The following FAM181A variants were observed in gnomAD, a reference collection of about 807,000 sequenced individuals.
FAM181A encodes the protein family with sequence similarity 181 member A, also known as protein FAM181A.
FAM181A carries 7 observed loss-of-function variants against 16.3 expected under a neutral mutation model. The observed-to-expected ratio is 0.43, with a 90% CI of 0.24 to 0.81. The LOEUF is 0.81. Ranked by LOEUF, FAM181A falls within the 30% of genes least tolerant of loss-of-function variation. The probability of loss-of-function intolerance (pLI) is 0.24; values close to 1 mark genes in which losing one functional copy is unlikely to be tolerated. For synonymous variants in FAM181A, 183 were observed against 164.9 expected, an observed-to-expected ratio of 1.11 and a Z score of -0.84; for missense variants, 349 against 377.5, an observed-to-expected ratio of 0.92 and a Z score of 0.63.
At chr14:93,921,205 G>A (rs983030307) in intron 1 of FAM181A, among the ~76,000 whole-genome samples, 2 of 152,168 alleles carry the variant, frequency 1.3e-5, no homozygotes, top group Admixed American at 1.3e-4. Flanking sequence ...AGCCAGGTAG[G>A]GGCAGAGTTC....
chr14:93,928,789 G>C lies in FAM181A; in HGVS notation c.504G>C (p.Lys168Asn). The change falls in exon 2 of 2, where the codon AAG (lysine) becomes AAC (asparagine). Residue 168 changes from lysine (K) to asparagine (N), a missense_variant. Lys to Asn is a moderately conservative substitution (Grantham distance 94). Coordinates refer to ENST00000556222, the MANE Select transcript of FAM181A (RefSeq NM_001207073.2). Reference sequence around the variant, plus strand: ...GGGAGGGACCTCCCTATGAGGGTAAGAAAAATTGCAAGGGCTTGGAGCCCC... The same window carrying C: ...GGGAGGGACCTCCCTATGAGGGTAACAAAAATTGCAAGGGCTTGGAGCCCC... ...GPREGPPYEGKKNCKGLEPLG... is the reference protein window; with the variant it reads ...GPREGPPYEGNKNCKGLEPLG... 1.2e-6 allele frequency: 2 copies of C among 1,613,986 alleles called. No homozygotes were observed. The highest frequency in any genetic ancestry group is 1.7e-6 in the Non-Finnish European group (2 of 1,179,928).
intron 1 of FAM181A, 171 bp downstream of exon 1, chr14:93,927,625 A>G (rs1567012381): frequency 7.8e-7 from 1 of 1,285,770 alleles, no homozygotes; most frequent in East Asian, 5.6e-5. Context: ...TCAGCCCGCA[A>G]GGCAGGTCTC....
chr14:93,922,112 C>G (rs543826934), intron 1 of FAM181A: 8 of 152,196 alleles, frequency 5.3e-5, no homozygotes, highest in Non-Finnish European at 1.2e-4. Context: ...CTCTGGGCCT[C>G]TCTGTCTTCA....
intron 1 of FAM181A, among the ~76,000 whole-genome samples, chr14:93,920,404 C>T (rs61279720): frequency 0.021 from 3,155 of 149,270 alleles, 116 homozygotes; most frequent in African/African-American, 0.073. Flanking sequence ...AGAGCAAGAC[C>T]TTGTCTCAAA....
upstream of FAM181A, among the ~76,000 whole-genome samples, chr14:93,924,592 C>T (rs4905117): frequency 0.49 from 74,232 of 152,138 alleles, 18,659 homozygotes; most frequent in East Asian, 0.62. Flanking sequence ...TCTCCCTGCT[C>T]CTGACTTCCC....
rs536651989 is a variant in FAM181A at position 93,927,978 on chromosome 14, C to T, written c.-87-221C>T. 3.3e-5 allele frequency among the ~76,000 whole-genome samples: 5 copies of T among 152,134 alleles called. No homozygotes were observed. The East Asian group carries it at 5.8e-4, about 18-fold the overall frequency. On this transcript the variant is annotated intron_variant, in intron 1 of 1. Transcript: ENST00000556222. ...TGAGCCTTGGCTGCAAGAAGGGGCA[C>T]CAGACCCAAGCAGGCTGGGCGAGGC...
At chr14:93,925,063 C>A, upstream of FAM181A, 1 of 533,516 alleles carries the variant, frequency 1.9e-6, no homozygotes, top group South Asian at 2.7e-5. Flanking sequence ...GGTGGAAGAA[C>A]AGCCCACATT....
intron 1 of FAM181A, among the ~76,000 whole-genome samples, chr14:93,920,602 A>G (rs1469683039): frequency 6.6e-6 from 1 of 152,258 alleles, no homozygotes; most frequent in Non-Finnish European, 1.5e-5. Context: ...ATATAAATTG[A>G]TGCAAAAAAT....
upstream of FAM181A, chr14:93,926,239 G>A (rs1215592941): frequency 2.0e-5 from 3 of 152,304 alleles, no homozygotes; most frequent in African/African-American, 7.2e-5. The surrounding 1 kb of genome is among the most constrained non-coding windows in gnomAD (Gnocchi z 5.2). Context: ...ACGACCATTA[G>A]CATTTCCCAG....
chr14:93,922,696 T>TA (rs1053923483), upstream of FAM181A, among the ~76,000 whole-genome samples: 2 of 152,058 alleles, frequency 1.3e-5, no homozygotes, highest in Admixed American at 1.3e-4. Context: ...TCTCAAAAAA[T>TA]AAATTAATTA....
chr14:93,922,341 G>A (rs1887755442), intron 1 of FAM181A: 1 of 152,238 alleles, frequency 6.6e-6, no homozygotes, highest in South Asian at 2.1e-4. Context: ...TGGGGACCAG[G>A]TAATAGTTTC....
chr14:93,925,151 C>A, upstream of FAM181A: 2 of 883,470 alleles, frequency 2.3e-6, no homozygotes, highest in Non-Finnish European at 3.5e-6. Context: ...AGGCTTACTA[C>A]TGGCTAAGAA....
upstream of FAM181A, among the ~76,000 whole-genome samples, chr14:93,925,757 G>T (rs775101619): frequency 3.3e-5 from 5 of 152,108 alleles, no homozygotes; most frequent in Non-Finnish European, 7.4e-5. Context: ...CAGGGTAGGG[G>T]CATGGAGAAT....
At chr14:93,921,954 A>G (rs962774388) in intron 1 of FAM181A, 3 of 152,222 alleles carry the variant, frequency 2.0e-5, no homozygotes, top group Admixed American at 6.5e-5. Flanking sequence ...ATGACAATAT[A>G]TGACACATAT....
upstream of FAM181A, among the ~76,000 whole-genome samples, chr14:93,923,003 TCA>T (rs1887782347): frequency 6.6e-6 from 1 of 152,050 alleles, no homozygotes; most frequent in Non-Finnish European, 1.5e-5. Flanking sequence ...AGATGAAGTC[TCA>T]CTCTTGTCCC....
chr14:93,928,998 G>A lies in FAM181A; in HGVS notation c.713G>A (p.Ser238Asn), dbSNP rs768080358. 3 of 1,610,818 alleles carry A rather than the reference G, an allele frequency of 1.9e-6. No individual in the cohort carries two copies. Among genetic ancestry groups the A allele is most frequent in the Non-Finnish European group, 2.5e-6 (3 of 1,178,028 alleles). The part of the protein sequence containing the change: ...LGALPQSPVP[S>N]LGLWRKSPAF... Reference sequence around the variant, plus strand: ...GCACTGCCTCAGAGTCCTGTCCCCAGCCTGGGCCTTTGGAGGAAGAGCCCA... The same window carrying A: ...GCACTGCCTCAGAGTCCTGTCCCCAACCTGGGCCTTTGGAGGAAGAGCCCA... The change falls in exon 2 of 2, where the codon AGC becomes AAC. Residue 238 changes from serine to asparagine, a missense_variant. Ser to Asn is a conservative substitution (Grantham distance 46). Transcript: ENST00000556222.
At chr14:93,925,269 T>C, upstream of FAM181A, 2 of 1,613,286 alleles carry the variant, frequency 1.2e-6, no homozygotes, top group South Asian at 2.2e-5. Context: ...CTAAAATGTC[T>C]TGATGCCCTT....
chr14:93,918,903 C>T (rs556445837), upstream of FAM181A: 7 of 152,306 alleles, frequency 4.6e-5, no homozygotes, highest in East Asian at 1.9e-4. Context: ...CAATCAAACC[C>T]GAGATGACAG....
At chr14:93,921,083 G>A (rs145589867) in intron 1 of FAM181A, among the ~76,000 whole-genome samples, 127 of 152,250 alleles carry the variant, frequency 8.3e-4, no homozygotes, top group South Asian at 4.1e-3. Context: ...ACTGTATCAC[G>A]ATAGCACCAT....
Sources: allele counts gnomAD v4.1 joint callset (sites outside exome capture counted in the v4.1 genomes callset), GRCh38; gene constraint gnomAD v4.1.1; non-coding constraint Gnocchi (gnomAD v3.1); transcripts MANE v1.5; gene names NCBI Gene and HGNC (gene_info 2026-07-23, HGNC 2026-07-21).